Variants in KCNQ5 observed in about 807,000 individuals in gnomAD.
KCNQ5 encodes the protein potassium voltage-gated channel subfamily KQT member 5.
A neutral mutation model predicts 98.2 loss-of-function variants in KCNQ5; 30 were observed. The ratio of observed to expected loss-of-function variants is 0.31; its 90% CI spans 0.23 to 0.41. The LOEUF (loss-of-function observed/expected upper bound fraction) is 0.41. Among genes scored for constraint, KCNQ5 ranks in the 10% least tolerant of loss-of-function variants. KCNQ5 has a pLI of 1.00. For missense variants in KCNQ5, 835 were observed against 1,182.5 expected (o/e 0.71, Z 4.31); for synonymous variants, 458 against 449.4 (o/e 1.02, Z -0.24).
intron 1 of KCNQ5, among the ~76,000 whole-genome samples, chr6:72,855,175 A>G (rs1460843593): frequency 6.6e-6 from 1 of 152,182 alleles, no homozygotes; most frequent in Non-Finnish European, 1.5e-5. Context: ...ATAAGAAACT[A>G]TGCCATGGTG....
intron 1 of KCNQ5, among the ~76,000 whole-genome samples, chr6:72,988,801 C>T (rs1290582927): frequency 1.0e-5 from 1 of 100,104 alleles, no homozygotes; most frequent in Non-Finnish European, 2.0e-5. Context: ...GCTATCCCTC[C>T]CCCCTCCCCC....
intron 5 of KCNQ5, among the ~76,000 whole-genome samples, chr6:73,081,578 G>T (rs184066510): frequency 6.6e-6 from 1 of 152,070 alleles, no homozygotes; most frequent in Non-Finnish European, 1.5e-5. Context: ...GAATTATACC[G>T]TGCCACGGAA....
chr6:73,132,584 T>C (rs994556926), intron 9 of KCNQ5, among the ~76,000 whole-genome samples: 5 of 152,210 alleles, frequency 3.3e-5, no homozygotes, highest in Non-Finnish European at 7.3e-5. Context: ...AGTGTGAAGA[T>C]GCACTTTGGA....
intron 1 of KCNQ5, among the ~76,000 whole-genome samples, chr6:72,724,633 G>C (rs1006812092): frequency 1.3e-5 from 2 of 152,164 alleles, no homozygotes; most frequent in Non-Finnish European, 2.9e-5. Context: ...GGATTCGTTT[G>C]AAAAAACTAT....
intron 1 of KCNQ5, among the ~76,000 whole-genome samples, chr6:72,704,470 A>G (rs943604561): frequency 6.6e-6 from 1 of 152,036 alleles, no homozygotes; most frequent in African/African-American, 2.4e-5. Flanking sequence ...AGAGGTACTC[A>G]GTAAGTTAAT....
chr6:72,641,318 C>A (rs866676651), intron 1 of KCNQ5, among the ~76,000 whole-genome samples: 3 of 152,052 alleles, frequency 2.0e-5, no homozygotes, highest in African/African-American at 2.4e-5. Context: ...CACACACACA[C>A]AAAAATACAT....
chr6:72,977,522 T>C (rs1262061676), intron 1 of KCNQ5, among the ~76,000 whole-genome samples: 1 of 152,112 alleles, frequency 6.6e-6, no homozygotes, highest in Non-Finnish European at 1.5e-5. Context: ...AAACAAGGAA[T>C]TGGCATGATA....
Position 73,056,419 on chromosome 6 carries a change from G to A in KCNQ5, c.616+14357G>A, listed in dbSNP as rs1772496342. Among the ~76,000 whole-genome samples, 5 of 151,886 alleles carry A rather than the reference G, an allele frequency of 3.3e-5. No homozygotes were observed. The South Asian group carries it at 8.3e-4, about 25-fold the overall frequency. On this transcript the variant is annotated intron_variant, in intron 3 of 13. Coordinates refer to ENST00000370398, the MANE Select transcript of KCNQ5 (RefSeq NM_019842.4). ...TTTTATTTAAAAAAAAAAAAGTATA[G>A]TGTATATAAATAATACAAAACAATA...
intron 1 of KCNQ5, among the ~76,000 whole-genome samples, chr6:72,978,992 AC>A (rs1223180006): frequency 2.0e-5 from 3 of 152,164 alleles, no homozygotes; most frequent in Non-Finnish European, 2.9e-5. Context: ...CCATGTCCCT[AC>A]AAAGGATATG....
intron 7 of KCNQ5, among the ~76,000 whole-genome samples, chr6:73,118,359 A>C (rs1313217316): frequency 6.6e-6 from 1 of 152,250 alleles, no homozygotes; most frequent in Non-Finnish European, 1.5e-5. Context: ...CTATTGCCAT[A>C]TAGTATTGTA....
At chr6:73,190,807 T>C in intron 12 of KCNQ5, 103 bp downstream of exon 12, 1 of 707,884 alleles carries the variant, frequency 1.4e-6, no homozygotes. Context: ...ATATTTTTCA[T>C]TCATTTTTAG....
chr6:73,095,247 A>G (rs1019195273), intron 5 of KCNQ5, among the ~76,000 whole-genome samples: 6 of 152,136 alleles, frequency 3.9e-5, no homozygotes, highest in African/African-American at 1.4e-4. Context: ...GCATTTCTAT[A>G]AGGGTGTCCA....
chr6:73,002,365 T>C (rs150695219), intron 1 of KCNQ5, among the ~76,000 whole-genome samples: 1 of 152,298 alleles, frequency 6.6e-6, no homozygotes, highest in Non-Finnish European at 1.5e-5. Context: ...AGTGCTTAGG[T>C]TCTCTTTCTG....
At chr6:73,012,864 CA>C (rs58996956) in intron 2 of KCNQ5, among the ~76,000 whole-genome samples, 4 of 150,284 alleles carry the variant, frequency 2.7e-5, no homozygotes, top group East Asian at 2.0e-4. Context: ...ATTTAAAACT[CA>C]AAAAAAAAGT....
intron 10 of KCNQ5, chr6:73,157,633 A>G: frequency 1.3e-6 from 1 of 774,816 alleles, no homozygotes; most frequent in East Asian, 2.4e-5. Flanking sequence ...TGAACGCAGC[A>G]TGGGTGATGG....
intron 1 of KCNQ5, among the ~76,000 whole-genome samples, chr6:72,737,079 G>T (rs1770888741): frequency 6.6e-6 from 1 of 152,038 alleles, no homozygotes; most frequent in South Asian, 2.1e-4. Flanking sequence ...TCCTGCCTCA[G>T]CCTCCCAAGT....
At chr6:72,892,230 A>C (rs573030967) in intron 1 of KCNQ5, among the ~76,000 whole-genome samples, 138 of 152,304 alleles carry the variant, frequency 9.1e-4, no homozygotes, top group Middle Eastern at 3.4e-3. Flanking sequence ...TCAGGAAGGT[A>C]AGAACTCATC....
At chr6:72,838,765 A>T (rs1286405148) in intron 1 of KCNQ5, among the ~76,000 whole-genome samples, 2 of 151,464 alleles carry the variant, frequency 1.3e-5, no homozygotes, top group Admixed American at 6.6e-5. Flanking sequence ...CCTGGCTAAC[A>T]CGGTGAAACC....
chr6:72,720,975 A>G (rs1283136079), intron 1 of KCNQ5, among the ~76,000 whole-genome samples: 2 of 152,230 alleles, frequency 1.3e-5, no homozygotes, highest in African/African-American at 4.8e-5. Context: ...ATTCCTTGGA[A>G]GACAAAGCAG....
Sources: gnomAD v4.1 joint callset for allele counts (sites outside exome capture counted in the v4.1 genomes callset) on GRCh38, gnomAD v4.1.1 for gene constraint, MANE v1.5 for transcripts, NCBI Gene and HGNC (gene_info 2026-07-23, HGNC 2026-07-21) for gene names.